Variants in VWA8 observed in about 807,000 individuals in gnomAD.
The protein encoded by VWA8 is von Willebrand factor A domain containing 8.
VWA8 carries 221 observed loss-of-function variants against 241.5 expected under a neutral mutation model. The observed-to-expected ratio is 0.91, with a 90% CI of 0.82 to 1.02. The LOEUF (loss-of-function observed/expected upper bound fraction) is 1.02. Among genes scored for constraint, VWA8 ranks in the 50% least tolerant of loss-of-function variants. The pLI, the probability that VWA8 is intolerant of heterozygous loss-of-function variation, is 0.00. For missense variants in VWA8, 2,322 were observed against 2,328.7 expected, an observed-to-expected ratio of 1.00 and a Z score of 0.06; for synonymous variants, 852 against 827.1, an observed-to-expected ratio of 1.03 and a Z score of -0.52.
intron 2 of VWA8, among the ~76,000 whole-genome samples, chr13:41,930,159 C>T (rs754841757): frequency 3.8e-4 from 58 of 152,076 alleles, no homozygotes; most frequent in Non-Finnish European, 7.4e-4. Context: ...CAGGGAAATA[C>T]AAATCAAAAC....
In VWA8 at chr13:41,883,390, T is replaced by C. The variant is rs749373990; in HGVS notation, c.1077A>G (p.Leu359=). The C allele has an allele frequency of 1.2e-6, 2 of 1,610,078 alleles. No homozygotes were observed. The highest frequency in any genetic ancestry group is 1.7e-6 in the Non-Finnish European group (2 of 1,176,648). The change falls in exon 9 of 45, where the codon TTA becomes TTG. Residue 359 remains leucine (L), a synonymous_variant. Coordinates refer to ENST00000379310, the MANE Select transcript of VWA8 (RefSeq NM_015058.2). ...AGAAAGGGAAGCAGACACTCACCTTTAAAACACCTTCCACAGCCATCTTCC... is the reference window on the plus strand; with the variant it reads ...AGAAAGGGAAGCAGACACTCACCTTCAAAACACCTTCCACAGCCATCTTCC... The part of the protein sequence containing the change: ...HEGKMAVEGV[L]KRFELQDSGS...
At chr13:41,940,126 T>C (rs568940387) in intron 2 of VWA8, among the ~76,000 whole-genome samples, 1 of 152,326 alleles carries the variant, frequency 6.6e-6, no homozygotes, top group East Asian at 1.9e-4. Context: ...GCTTTGCTAC[T>C]AATTAATCAG....
chr13:41,931,731 A>G (rs1297882710), intron 2 of VWA8, among the ~76,000 whole-genome samples: 2 of 152,110 alleles, frequency 1.3e-5, no homozygotes, highest in Non-Finnish European at 2.9e-5. Context: ...ATGGGCAAAG[A>G]AGAAATTAAA....
chr13:41,940,530 C>T (rs887608746), intron 2 of VWA8, among the ~76,000 whole-genome samples: 1 of 151,952 alleles, frequency 6.6e-6, no homozygotes, highest in Non-Finnish European at 1.5e-5. Context: ...ATAATTCACT[C>T]ATTTTGGAAA....
rs571378873 is a variant in VWA8, at chr13:41,856,060, G to A, written c.1425+9676C>T. Among the ~76,000 whole-genome samples the A allele has an allele frequency of 4.0e-4, 61 of 152,290 alleles. 1 individual carries two copies. In the South Asian group the frequency reaches 0.012, roughly 30 times the overall value. ...TTCAAAAATCTTACTTGTTGGCCAGGCATAGTGGCTCAAGCCTATAGTCTC... is the reference window on the plus strand; with the variant it reads ...TTCAAAAATCTTACTTGTTGGCCAGACATAGTGGCTCAAGCCTATAGTCTC... On this transcript the variant is annotated intron_variant, in intron 12 of 44. Transcript: ENST00000379310.
At chr13:41,783,499 A>G (rs1868988787) in intron 19 of VWA8, among the ~76,000 whole-genome samples, 1 of 151,958 alleles carries the variant, frequency 6.6e-6, no homozygotes, top group African/African-American at 2.4e-5. Context: ...TTAGCCAGGC[A>G]TGGTGGCACA....
At chr13:41,676,930 GC>G (rs2045064401) in intron 35 of VWA8, among the ~76,000 whole-genome samples, 2 of 152,092 alleles carry the variant, frequency 1.3e-5, no homozygotes, top group South Asian at 4.2e-4. Flanking sequence ...ACCACCCCCA[GC>G]CTGTTCTGCT....
At chr13:41,770,440 CAAAAAAA>C (rs35797822) in intron 20 of VWA8, among the ~76,000 whole-genome samples, 87 of 102,430 alleles carry the variant, frequency 8.5e-4, no homozygotes, top group African/African-American at 2.7e-3. Flanking sequence ...GACTCCGTTT[CAAAAAAA>C]AAAAAAAAAA....
At chr13:41,640,154 A>G (rs7988742) in intron 37 of VWA8, among the ~76,000 whole-genome samples, 4,942 of 152,282 alleles carry the variant, frequency 0.032, 92 homozygotes, top group South Asian at 0.078. Flanking sequence ...TATCTAGAGT[A>G]TTTCTCAATA....
intron 37 of VWA8, among the ~76,000 whole-genome samples, chr13:41,650,965 A>G (rs1040469337): frequency 2.0e-5 from 3 of 152,178 alleles, no homozygotes; most frequent in Non-Finnish European, 4.4e-5. Context: ...GGGTGTGTGG[A>G]CACTGCTTTA....
At chr13:41,711,307 C>T (rs1222784373) in intron 26 of VWA8, among the ~76,000 whole-genome samples, 1 of 152,142 alleles carries the variant, frequency 6.6e-6, no homozygotes. Context: ...AGTCTGAATC[C>T]TCTCAAGTGC....
chr13:41,841,646 T>C (rs9566863), intron 12 of VWA8, among the ~76,000 whole-genome samples: 107,595 of 147,532 alleles, frequency 0.73, 40,041 homozygotes, highest in East Asian at 0.89. Context: ...ATTAGCCGGG[T>C]GTGGTGGCGG....
At chr13:41,732,292 A>G (rs920437483) in intron 21 of VWA8, 137 bp from the exon 22 acceptor site, 5 of 642,672 alleles carry the variant, frequency 7.8e-6, no homozygotes, top group Non-Finnish European at 1.3e-5. Flanking sequence ...CCAAAAAAAA[A>G]CAGCAAGTGA....
intron 2 of VWA8, 57 bp from the exon 3 acceptor site, chr13:41,912,225 T>C: frequency 7.1e-7 from 1 of 1,418,048 alleles, no homozygotes; most frequent in South Asian, 1.6e-5. Context: ...ATAATATAAA[T>C]CTCCAAGTAA....
At chr13:41,959,671 C>T (rs1207364595) in intron 1 of VWA8, among the ~76,000 whole-genome samples, 4 of 134,878 alleles carry the variant, frequency 3.0e-5, no homozygotes, top group African/African-American at 1.1e-4. Flanking sequence ...GCAGTGGCTC[C>T]GGTCACTCCA....
chr13:41,718,688 C>T (rs2045362395), intron 26 of VWA8, among the ~76,000 whole-genome samples: 1 of 150,770 alleles, frequency 6.6e-6, no homozygotes, highest in South Asian at 2.1e-4. Context: ...TGAGTATACA[C>T]TTTGGAGATT....
intron 37 of VWA8, among the ~76,000 whole-genome samples, chr13:41,628,721 T>A (rs1411045801): frequency 6.6e-6 from 1 of 152,168 alleles, no homozygotes; most frequent in African/African-American, 2.4e-5. Context: ...AAGTGGGATC[T>A]AAACATTAAA....
At chr13:41,704,400 T>C (rs1032002718) in intron 26 of VWA8, among the ~76,000 whole-genome samples, 1 of 152,208 alleles carries the variant, frequency 6.6e-6, no homozygotes, top group Non-Finnish European at 1.5e-5. Context: ...ATAAGGTGAT[T>C]TGCCAAAACC....
chr13:41,926,545 C>G lies in VWA8; in HGVS notation c.242-14377G>C, dbSNP rs140314404. On this transcript the variant is annotated intron_variant, in intron 2 of 44. Coordinates refer to ENST00000379310, the MANE Select transcript of VWA8 (RefSeq NM_015058.2). Reference sequence around the variant, plus strand: ...AGATTTATGAAACTGGATGCCAGTTCCAGAATGAAGGGATTGATTTGAGGC... The same window carrying G: ...AGATTTATGAAACTGGATGCCAGTTGCAGAATGAAGGGATTGATTTGAGGC... 4.4e-5 allele frequency: 24 copies of G among 543,284 alleles called. No homozygotes were observed. In the East Asian group the frequency reaches 1.1e-3, roughly 25 times the overall value. 33.7% of individuals were successfully genotyped at this position (543,284 alleles called of 1,614,324 possible). A position where few individuals can be genotyped will look rare whatever the true frequency, so the allele number is the denominator to read the frequency against.
Sources: allele counts gnomAD v4.1 joint callset (sites outside exome capture counted in the v4.1 genomes callset), GRCh38; gene constraint gnomAD v4.1.1; transcripts MANE v1.5; gene names NCBI Gene and HGNC (gene_info 2026-07-23, HGNC 2026-07-21).